Variants in SEPTIN3 observed in about 807,000 individuals in gnomAD.
The protein encoded by SEPTIN3 is neuronal-specific septin-3.
SEPTIN3 carries 15 observed loss-of-function variants against 45.1 expected under a neutral mutation model. The ratio of observed to expected loss-of-function variants is 0.33; its 90% CI spans 0.22 to 0.51. The LOEUF is 0.51. Among genes scored for constraint, SEPTIN3 ranks in the 20% least tolerant of loss-of-function variants. The pLI, the probability that SEPTIN3 is intolerant of heterozygous loss-of-function variation, is 0.97. For missense variants in SEPTIN3, 289 were observed against 457.2 expected, an observed-to-expected ratio of 0.63 and a Z score of 3.35; for synonymous variants, 148 against 164.8, an observed-to-expected ratio of 0.90 and a Z score of 0.78.
Position 41,976,168 on chromosome 22 carries a change from T to G in SEPTIN3, c.1504+3172T>G, listed in dbSNP as rs575610029. The G allele has an allele frequency of 1.3e-5, 2 of 152,622 alleles. No homozygotes were observed. Among genetic ancestry groups the G allele is most frequent in the African/African-American group, 4.8e-5 (2 of 41,486 alleles). The allele number at this position is 152,622 out of a possible 1,614,324, so 9.5% of individuals were successfully genotyped here. A position where few individuals can be genotyped will look rare whatever the true frequency, so the allele number is the denominator to read the frequency against. On this transcript the variant is annotated intron_variant, in intron 2 of 11. Transcript: ENST00000644076. This position sits in a 1 kb window ranked among gnomAD's most constrained non-coding sequence, Gnocchi z 5.8. ...TCTGGCCCTCATCTCCTCCAAGAAG[T>G]CTTCCAAGCCCCCTCTCCCCAGGGT...
Position 41,987,739 on chromosome 22 carries a change from C to A in SEPTIN3, c.2025C>A (p.Phe675Leu). ...PDTRVHCCLYFISPTGHSLRP... is the reference protein window; with the variant it reads ...PDTRVHCCLYLISPTGHSLRP... ...CTCGTGTCCACTGCTGCCTTTACTT[C>A]ATCTCTCCCACAGGACACTCGTATG... Residue 675 changes from phenylalanine (F) to leucine (L), a missense_variant, in exon 6 of 12, where the codon TTC (phenylalanine) becomes TTA (leucine). This residue lies in a region of SEPTIN3 where 200 missense variants were observed against 315.1 expected (regional missense o/e 0.63). Transcript: ENST00000644076. 1.2e-6 allele frequency: 2 copies of A among 1,613,962 alleles called. No individual in the cohort carries two copies. The highest frequency in any genetic ancestry group is 4.5e-5 in the East Asian group (2 of 44,884).
intron 8 of SEPTIN3, among the ~76,000 whole-genome samples, chr22:41,992,090 A>G (rs1187967023): frequency 6.6e-6 from 1 of 152,126 alleles, no homozygotes; most frequent in Non-Finnish European, 1.5e-5. Context: ...ACTTAAAAAA[A>G]TTAAATTGGC....
At chr22:41,973,831 GT>G (rs1460494814) in intron 2 of SEPTIN3, among the ~76,000 whole-genome samples, 1 of 149,932 alleles carries the variant, frequency 6.7e-6, no homozygotes, top group African/African-American at 2.5e-5. Flanking sequence ...AAATACAAAA[GT>G]TAGCCAGGTG....
At chr22:41,990,745 CAAAAAAAAA>C (rs71184855) in intron 7 of SEPTIN3, among the ~76,000 whole-genome samples, 3 of 96,550 alleles carry the variant, frequency 3.1e-5, no homozygotes, top group Admixed American at 2.5e-4. Flanking sequence ...CACTCTATCT[CAAAAAAAAA>C]AAAAAAAAAA....
At chr22:41,996,855 C>A in intron 11 of SEPTIN3, 47 bp from the exon 12 acceptor site, 1 of 1,610,334 alleles carries the variant, frequency 6.2e-7, no homozygotes, top group Non-Finnish European at 8.5e-7. Flanking sequence ...ATGTCTGCTG[C>A]CAGCTGCTGG....
chr22:41,986,827 T>A (rs2078217082), intron 4 of SEPTIN3, among the ~76,000 whole-genome samples: 1 of 151,774 alleles, frequency 6.6e-6, no homozygotes, highest in African/African-American at 2.4e-5. Context: ...AAAAAAAAAA[T>A]TAGCTGGGTA....
At chr22:41,987,383 C>A in intron 5 of SEPTIN3, 96 bp downstream of exon 5, 1 of 1,227,628 alleles carries the variant, frequency 8.1e-7, no homozygotes, top group Non-Finnish European at 1.2e-6. Flanking sequence ...CATCTGCACC[C>A]TCCATGCTCT....
At position 41,972,128 on chromosome 22, in the gene SEPTIN3, G is replaced by A. The variant is rs1287663096; in HGVS notation, c.636G>A (p.Leu212=). The A allele has an allele frequency of 2.5e-6, 1 of 398,978 alleles. No individual in the cohort carries two copies. The highest frequency in any genetic ancestry group is 3.6e-5 in the East Asian group (1 of 28,080). 24.7% of individuals were successfully genotyped at this position (398,978 alleles called of 1,614,324 possible). Residue 212 remains leucine (L), a synonymous_variant, in exon 2 of 12, where the codon TTG becomes TTA. Coordinates refer to ENST00000644076, the MANE Select transcript of SEPTIN3 (RefSeq NM_001363845.2). ...CAGTCCTTGCAGAGCCAGGCTCGTTGGGCCAGGGGCACCTTGTCTCAGTGA... is the reference window on the plus strand; with the variant it reads ...CAGTCCTTGCAGAGCCAGGCTCGTTAGGCCAGGGGCACCTTGTCTCAGTGA... The part of the protein sequence containing the change: ...SAPVLAEPGS[L]GQGHLVSVTD...
chr22:41,974,055 G>A (rs1233256260), intron 2 of SEPTIN3, among the ~76,000 whole-genome samples: 1 of 151,930 alleles, frequency 6.6e-6, no homozygotes, highest in Non-Finnish European at 1.5e-5. Flanking sequence ...CCAGCTACTG[G>A]GGAGGCTGAG....
intron 3 of SEPTIN3, among the ~76,000 whole-genome samples, chr22:41,985,446 T>C (rs2078190440): frequency 6.6e-6 from 1 of 152,234 alleles, no homozygotes; most frequent in African/African-American, 2.4e-5. Flanking sequence ...TTGCATGTAT[T>C]AGTTATGTTG....
In SEPTIN3 at chr22:41,996,896, C is replaced by A; in HGVS notation, c.2506-6C>A. On this transcript the variant is annotated splice_polypyrimidine_tract_variant and splice_region_variant and intron_variant, in intron 11 of 11. Transcript: ENST00000644076. The stretch of plus-strand genomic sequence containing the variant: ...ACACCCTCAACCGTTCTCAACCCCC[C>A]TGCAGGGAGAAGGCCTCCTGGGCAC... 6.2e-7 allele frequency: 1 copy of A among 1,613,966 alleles called. No homozygotes were observed. Among genetic ancestry groups the A allele is most frequent in the Non-Finnish European group, 8.5e-7 (1 of 1,179,850 alleles).
intron 3 of SEPTIN3, among the ~76,000 whole-genome samples, chr22:41,985,231 T>C (rs1176166048): frequency 6.6e-6 from 1 of 152,222 alleles, no homozygotes; most frequent in Non-Finnish European, 1.5e-5. Context: ...GATATGCATC[T>C]GGAAAACAGG....
intron 11 of SEPTIN3, chr22:41,995,012 C>T (rs1307858323): frequency 1.6e-6 from 2 of 1,282,750 alleles, no homozygotes. Context: ...GTAAGTTTGG[C>T]TCCTCCATGC....
chr22:41,990,815 G>A (rs1207510480), intron 7 of SEPTIN3, among the ~76,000 whole-genome samples: 2 of 149,022 alleles, frequency 1.3e-5, no homozygotes, highest in Admixed American at 6.8e-5. Context: ...TGTAATCCCA[G>A]CACTTTGGGA....
intron 1 of SEPTIN3, among the ~76,000 whole-genome samples, 154 bp downstream of exon 1, chr22:41,969,831 C>T (rs528625202): frequency 5.6e-4 from 85 of 151,992 alleles, no homozygotes; most frequent in Non-Finnish European, 9.4e-4. Context: ...TGTCCTCTGG[C>T]CTGCTCTGTG....
chr22:41,995,709 T>C, intron 11 of SEPTIN3: 1 of 985,424 alleles, frequency 1.0e-6, no homozygotes, highest in Non-Finnish European at 1.2e-6. Flanking sequence ...CAGAGAAATC[T>C]GGGTCAAAGA....
At chr22:41,996,042 A>G in intron 11 of SEPTIN3, 2 of 985,392 alleles carry the variant, frequency 2.0e-6, no homozygotes, top group Non-Finnish European at 2.4e-6. Flanking sequence ...CATTTGCTTC[A>G]TACATACTTG....
chr22:41,983,456 T>C (rs1357716852), intron 3 of SEPTIN3, among the ~76,000 whole-genome samples: 1 of 152,200 alleles, frequency 6.6e-6, no homozygotes. Flanking sequence ...GCAAAACTTA[T>C]CGAGTCACCC....
Position 41,994,797 on chromosome 22 carries a change from A to G in SEPTIN3, c.2505+83A>G, listed in dbSNP as rs768266170. ...GTCATCACACATACCCACTTCACAC[A>G]CACACATCCCAAATACCACCACCAA... On this transcript the variant is annotated intron_variant, in intron 11 of 11. Transcript: ENST00000644076. This position sits in a 1 kb window ranked among gnomAD's most constrained non-coding sequence, Gnocchi z 4.2. 7 of 1,612,040 alleles carry G rather than the reference A, an allele frequency of 4.3e-6. No individual in the cohort carries two copies. Among genetic ancestry groups the G allele is most frequent in the Non-Finnish European group, 8.5e-7 (1 of 1,179,336 alleles).
Sources: allele counts gnomAD v4.1 joint callset (sites outside exome capture counted in the v4.1 genomes callset), GRCh38; gene constraint gnomAD v4.1.1; regional missense constraint gnomAD v4.1.1; non-coding constraint Gnocchi (gnomAD v3.1); transcripts MANE v1.5; gene names NCBI Gene and HGNC (gene_info 2026-07-23, HGNC 2026-07-21).